Variants in CNTNAP2 observed in about 807,000 individuals in gnomAD.
CNTNAP2 encodes the protein contactin-associated protein-like 2.
CNTNAP2 carries 98 observed loss-of-function variants against 155.2 expected under a neutral mutation model. The ratio of observed to expected loss-of-function variants is 0.63; its 90% confidence interval spans 0.54 to 0.75. The LOEUF is 0.75. CNTNAP2 is among the 30% of genes least tolerant of loss of function. The pLI, the probability that CNTNAP2 is intolerant of heterozygous loss-of-function variation, is 0.00. For synonymous variants in CNTNAP2, 651 were observed against 631.2 expected (o/e 1.03, Z -0.47); for missense variants, 1,727 against 1,688.1 (o/e 1.02, Z -0.40).
In CNTNAP2 at chr7:147,427,671, A is replaced by G. The variant is rs180802862; in HGVS notation, c.1670+31891A>G. On this transcript the variant is annotated intron_variant, in intron 10 of 23. Coordinates refer to ENST00000361727, the MANE Select transcript of CNTNAP2 (RefSeq NM_014141.6). ...CTGAGAGAATTGAACGGCAGCCACA[A>G]TGAAGTACATGAAGAGAAGTACTAA... 3.9e-5 allele frequency among the ~76,000 whole-genome samples: 6 copies of G among 152,304 alleles called. No homozygotes were observed. The East Asian group carries it at 1.2e-3, about 29-fold the overall frequency.
intron 1 of CNTNAP2, among the ~76,000 whole-genome samples, chr7:146,144,423 A>G (rs907924485): frequency 2.0e-5 from 3 of 152,148 alleles, no homozygotes; most frequent in Non-Finnish European, 4.4e-5. Flanking sequence ...AAGTGCTAGG[A>G]TTATAGATGT....
chr7:147,128,524 A>G (rs576775024), intron 6 of CNTNAP2, among the ~76,000 whole-genome samples, 169 bp from the exon 7 acceptor site: 1 of 152,314 alleles, frequency 6.6e-6, no homozygotes, highest in South Asian at 2.1e-4. Context: ...TCCATTAGAC[A>G]CTTCAACAAC....
chr7:147,247,522 T>A (rs1804094011), intron 8 of CNTNAP2, among the ~76,000 whole-genome samples: 1 of 152,226 alleles, frequency 6.6e-6, no homozygotes, highest in Non-Finnish European at 1.5e-5. Context: ...TTCAATCAGT[T>A]GTTTTTACAT....
At chr7:148,134,371 G>A (rs1320191143) in intron 16 of CNTNAP2, among the ~76,000 whole-genome samples, 1 of 152,138 alleles carries the variant, frequency 6.6e-6, no homozygotes, top group Non-Finnish European at 1.5e-5. Context: ...CTGCATTCCG[G>A]TTCCTGTATA....
At chr7:148,089,830 G>T (rs571063345) in intron 15 of CNTNAP2, among the ~76,000 whole-genome samples, 1 of 151,822 alleles carries the variant, frequency 6.6e-6, no homozygotes, top group South Asian at 2.1e-4. Flanking sequence ...AATAGCTAAA[G>T]CAATTTTAAG....
intron 1 of CNTNAP2, among the ~76,000 whole-genome samples, chr7:146,175,191 A>C (rs1798452663): frequency 6.6e-6 from 1 of 152,216 alleles, no homozygotes; most frequent in South Asian, 2.1e-4. Flanking sequence ...CCAGAGGCAG[A>C]GTCACCTTGG....
intron 13 of CNTNAP2, among the ~76,000 whole-genome samples, chr7:147,717,117 A>T (rs1018168134): frequency 4.0e-5 from 6 of 151,400 alleles, no homozygotes; most frequent in African/African-American, 1.5e-4. Flanking sequence ...ATTTCTAAAG[A>T]AAAAAAAAGG....
chr7:148,220,125 C>T (rs889716026), intron 19 of CNTNAP2, among the ~76,000 whole-genome samples: 7 of 152,214 alleles, frequency 4.6e-5, no homozygotes, highest in East Asian at 1.9e-4. Context: ...TTTTTTGAGA[C>T]GGAGTCTCGC....
chr7:146,618,692 T>C (rs1799268075), intron 1 of CNTNAP2, among the ~76,000 whole-genome samples: 1 of 152,156 alleles, frequency 6.6e-6, no homozygotes, highest in Admixed American at 6.5e-5. Flanking sequence ...TTTAATCTTG[T>C]TTTGTTGAAA....
At chr7:147,491,739 GATAGTGAAGCT>G (rs993819291) in intron 11 of CNTNAP2, among the ~76,000 whole-genome samples, 2 of 152,134 alleles carry the variant, frequency 1.3e-5, no homozygotes, top group Non-Finnish European at 2.9e-5. Flanking sequence ...AATTTATGAA[GATAGTGAAGCT>G]ATAAGGAGAG....
chr7:146,500,413 A>AT (rs558995346), intron 1 of CNTNAP2, among the ~76,000 whole-genome samples: 86 of 152,296 alleles, frequency 5.6e-4, no homozygotes, highest in Non-Finnish European at 1.0e-3. Flanking sequence ...AAATGTAACT[A>AT]TATATGAGAA....
At chr7:147,085,874 C>G (rs1800265893) in intron 4 of CNTNAP2, 1 of 152,148 alleles carries the variant, frequency 6.6e-6, no homozygotes, top group Non-Finnish European at 1.5e-5. Flanking sequence ...CATCTGCAAC[C>G]CAAATGTCCT....
chr7:146,568,240 G>A lies in CNTNAP2; in HGVS notation c.98-206031G>A, dbSNP rs188172332. Among the ~76,000 whole-genome samples the A allele has an allele frequency of 8.7e-4, 132 of 152,222 alleles. 1 individual carries two copies. Among genetic ancestry groups the A allele is most frequent in the African/African-American group, 3.0e-3 (123 of 41,540 alleles). ...TGAAACCACACTATGAACAGCATAC[G>A]TAATCTACTATTAAAAGTTCCTAAT... On this transcript the variant is annotated intron_variant, in intron 1 of 23. Coordinates refer to ENST00000361727, the MANE Select transcript of CNTNAP2 (RefSeq NM_014141.6).
At chr7:146,840,144 C>G (rs1451374209) in intron 3 of CNTNAP2, among the ~76,000 whole-genome samples, 1 of 151,986 alleles carries the variant, frequency 6.6e-6, no homozygotes, top group Admixed American at 6.6e-5. Context: ...TTTTAAAGCA[C>G]GTAGATGAAA....
intron 1 of CNTNAP2, among the ~76,000 whole-genome samples, chr7:146,492,520 T>G (rs1797156195): frequency 6.6e-6 from 1 of 152,204 alleles, no homozygotes; most frequent in Non-Finnish European, 1.5e-5. Flanking sequence ...TTTTCATATC[T>G]TCTTAAGCAG....
chr7:146,294,914 A>G (rs965515866), intron 1 of CNTNAP2, among the ~76,000 whole-genome samples: 4 of 152,164 alleles, frequency 2.6e-5, no homozygotes, highest in Non-Finnish European at 5.9e-5. Flanking sequence ...TATAACTGAA[A>G]CTTCCATTAG....
At chr7:146,616,138 AAG>A (rs970263701) in intron 1 of CNTNAP2, among the ~76,000 whole-genome samples, 42 of 152,256 alleles carry the variant, frequency 2.8e-4, no homozygotes, top group Middle Eastern at 6.8e-3. Context: ...CTATAAAAAT[AAG>A]AGGGGATGAG....
intron 8 of CNTNAP2, among the ~76,000 whole-genome samples, chr7:147,266,762 A>G (rs2116696308): frequency 6.6e-6 from 1 of 152,218 alleles, no homozygotes; most frequent in South Asian, 2.1e-4. Context: ...AATCTCTTTT[A>G]TTAAGTCATT....
chr7:147,137,975 A>G (rs1362050140), intron 8 of CNTNAP2, among the ~76,000 whole-genome samples: 1 of 151,852 alleles, frequency 6.6e-6, no homozygotes, highest in East Asian at 1.9e-4. Flanking sequence ...GTAACAACAT[A>G]TTCCTTTTTC....
Sources: gnomAD v4.1 joint callset for allele counts (sites outside exome capture counted in the v4.1 genomes callset) on GRCh38, gnomAD v4.1.1 for gene constraint, MANE v1.5 for transcripts, NCBI Gene and HGNC (gene_info 2026-07-23, HGNC 2026-07-21) for gene names.